Variants in CDH18 observed in about 807,000 individuals in gnomAD.
CDH18 encodes the protein cadherin 18.
CDH18 carries 31 observed loss-of-function variants against 67.9 expected under a neutral mutation model. The ratio of observed to expected loss-of-function variants is 0.46; its 90% CI spans 0.34 to 0.62. CDH18 has a LOEUF of 0.62. Ranked by LOEUF, CDH18 falls within the 20% of genes least tolerant of loss-of-function variation. The probability of loss-of-function intolerance (pLI) is 0.01; values close to 1 mark genes in which losing one functional copy is unlikely to be tolerated. For missense variants in CDH18, 890 were observed against 975.5 expected (o/e 0.91, Z 1.17); for synonymous variants, 362 against 347.2 (o/e 1.04, Z -0.48).
chr5:20,064,671 G>A (rs1742811473), intron 2 of CDH18, among the ~76,000 whole-genome samples: 1 of 152,006 alleles, frequency 6.6e-6, no homozygotes, highest in Non-Finnish European at 1.5e-5. Context: ...AAGGTTTATA[G>A]ATATGTGACC....
At chr5:20,437,860 G>C (rs13361167) in intron 1 of CDH18, among the ~76,000 whole-genome samples, 32,259 of 150,940 alleles carry the variant, frequency 0.21, 3,798 homozygotes, top group East Asian at 0.3. Flanking sequence ...AATCCTGTGT[G>C]TATAATAAAT....
In CDH18 at chr5:19,652,529, T is replaced by A. The variant is rs549066915; in HGVS notation, c.644-39928A>T. Among the ~76,000 whole-genome samples the A allele has an allele frequency of 2.2e-3, 329 of 151,934 alleles. 2 individuals carry two copies. Among genetic ancestry groups the A allele is most frequent in the Admixed American group, 5.3e-3 (81 of 15,234 alleles). On this transcript the variant is annotated intron_variant, in intron 5 of 12. Transcript: ENST00000382275. Reference sequence around the variant, plus strand: ...ATATTAGAGCAAAAAGAGTTTTTTTTAAAAAAAAGAATTTAAGAATGTGGA... The same window carrying A: ...ATATTAGAGCAAAAAGAGTTTTTTTAAAAAAAAAGAATTTAAGAATGTGGA...
chr5:20,195,976 A>G (rs1738942329), intron 2 of CDH18, among the ~76,000 whole-genome samples: 1 of 152,122 alleles, frequency 6.6e-6, no homozygotes, highest in Non-Finnish European at 1.5e-5. Flanking sequence ...TGGAGGAGTT[A>G]AAACCTTCTA....
intron 2 of CDH18, among the ~76,000 whole-genome samples, chr5:19,913,562 G>A (rs945152931): frequency 1.3e-5 from 2 of 152,080 alleles, no homozygotes; most frequent in African/African-American, 2.4e-5. Context: ...TGAAATCAGA[G>A]AGTAGGTATG....
Position 19,571,726 on chromosome 5 carries a change from A to G in CDH18, c.1106T>C (p.Met369Thr). 1 of 1,614,044 alleles carries G rather than the reference A, an allele frequency of 6.2e-7. No individual in the cohort carries two copies. The highest frequency in any genetic ancestry group is 8.5e-7 in the Non-Finnish European group (1 of 1,179,944). The change falls in exon 8 of 13, where the codon ATG becomes ACG. Residue 369 changes from methionine to threonine, a missense_variant. By Grantham distance (81) the Met-to-Thr change is moderately conservative. Coordinates refer to ENST00000382275, the MANE Select transcript of CDH18 (RefSeq NM_004934.5). ...SHLGPFKDAT[M>T]LKIIVGDVDE... is the part of the protein sequence containing the mutation. ...TACATCCCCAACAATGATCTTCAGCATAGTAGCATCTTTAAAAGGACCCAA... is the reference window on the plus strand; with the variant it reads ...TACATCCCCAACAATGATCTTCAGCGTAGTAGCATCTTTAAAAGGACCCAA...
chr5:20,105,431 G>A (rs141927470), intron 2 of CDH18, among the ~76,000 whole-genome samples: 1 of 152,312 alleles, frequency 6.6e-6, no homozygotes. Flanking sequence ...CCAATTTTAA[G>A]TATACAATTT....
intron 1 of CDH18, among the ~76,000 whole-genome samples, chr5:20,471,704 A>G (rs1752087729): frequency 6.6e-6 from 1 of 151,598 alleles, no homozygotes; most frequent in Non-Finnish European, 1.5e-5. Context: ...CGGGATGCTG[A>G]GGCAGGAGAA....
chr5:20,330,179 T>C (rs1280416934), intron 1 of CDH18, among the ~76,000 whole-genome samples: 1 of 152,190 alleles, frequency 6.6e-6, no homozygotes, highest in African/African-American at 2.4e-5. Context: ...ATTATTAGAC[T>C]TTTTTCCAAT....
chr5:19,656,626 C>T (rs566419310), intron 5 of CDH18, among the ~76,000 whole-genome samples: 119 of 152,092 alleles, frequency 7.8e-4, no homozygotes, highest in African/African-American at 2.7e-3. Context: ...AAAAGTTGCA[C>T]TTTTGGTGCA....
At chr5:20,311,575 C>T (rs966650053) in intron 1 of CDH18, among the ~76,000 whole-genome samples, 2 of 152,066 alleles carry the variant, frequency 1.3e-5, no homozygotes, top group Non-Finnish European at 2.9e-5. Context: ...TGTTCTCGCT[C>T]ATAAGTGAGA....
chr5:20,477,851 T>C (rs778499604), intron 1 of CDH18, among the ~76,000 whole-genome samples: 24 of 152,280 alleles, frequency 1.6e-4, no homozygotes, highest in South Asian at 4.1e-4. Context: ...ACTCTTTCTT[T>C]CTGCTGGAGG....
chr5:20,108,052 G>A (rs966287931), intron 2 of CDH18, among the ~76,000 whole-genome samples: 2 of 151,196 alleles, frequency 1.3e-5, no homozygotes, highest in African/African-American at 2.4e-5. Flanking sequence ...TACATTAATC[G>A]CCTCTTTGTT....
chr5:20,324,957 T>C (rs1193943158), intron 1 of CDH18, among the ~76,000 whole-genome samples: 1 of 152,222 alleles, frequency 6.6e-6, no homozygotes, highest in Non-Finnish European at 1.5e-5. Context: ...CTCCTATTTA[T>C]ATTTGTATGA....
intron 1 of CDH18, among the ~76,000 whole-genome samples, chr5:20,297,358 T>G (rs1380016779): frequency 6.6e-6 from 1 of 152,232 alleles, no homozygotes; most frequent in Non-Finnish European, 1.5e-5. Flanking sequence ...AATGTCTTGC[T>G]GCAAGCAAGT....
At chr5:19,711,877 T>A (rs998896195) in intron 5 of CDH18, among the ~76,000 whole-genome samples, 1 of 152,066 alleles carries the variant, frequency 6.6e-6, no homozygotes, top group Non-Finnish European at 1.5e-5. Flanking sequence ...ATATGTTTAT[T>A]TAGAACTATT....
At chr5:20,365,232 G>A (rs1221656916) in intron 1 of CDH18, among the ~76,000 whole-genome samples, 2 of 152,156 alleles carry the variant, frequency 1.3e-5, no homozygotes, top group Non-Finnish European at 1.5e-5. Flanking sequence ...CCATGGCACA[G>A]GGAGAGAGAG....
In CDH18 at chr5:20,069,407, T is replaced by TTTTATTTA. The variant is rs34618982; in HGVS notation, c.-517-77401_-517-77394dup. Among the ~76,000 whole-genome samples, 553 of 147,954 alleles carry TTTTATTTA rather than the reference T, an allele frequency of 3.7e-3. 7 individuals carry two copies. Among genetic ancestry groups the TTTTATTTA allele is most frequent in the African/African-American group, 0.011 (455 of 40,284 alleles). ...TGCATTGCCCTCTTTTTTTTATTAT[T>TTTTATTTA]TTTATTTATTTATTTATTTATTTGA... On this transcript the variant is annotated intron_variant, in intron 2 of 14. Transcript: ENST00000507958.
At chr5:19,794,835 T>C (rs1776696752) in intron 3 of CDH18, among the ~76,000 whole-genome samples, 1 of 152,156 alleles carries the variant, frequency 6.6e-6, no homozygotes, top group African/African-American at 2.4e-5. Context: ...ACACTCATTT[T>C]TCCCTATTCC....
chr5:19,959,585 G>T (rs1398818359), intron 2 of CDH18, among the ~76,000 whole-genome samples: 1 of 151,906 alleles, frequency 6.6e-6, no homozygotes, highest in Non-Finnish European at 1.5e-5. Context: ...TGATAATTTA[G>T]ATTATCTCTA....
Sources: gnomAD v4.1 joint callset for allele counts (sites outside exome capture counted in the v4.1 genomes callset) on GRCh38, gnomAD v4.1.1 for gene constraint, MANE v1.5 for transcripts, NCBI Gene and HGNC (gene_info 2026-07-23, HGNC 2026-07-21) for gene names.